Variants in STK31 observed in about 807,000 individuals in gnomAD.
The protein encoded by STK31 is serine/threonine kinase 31.
STK31 carries 89 observed loss-of-function variants against 129.7 expected under a neutral mutation model. The observed-to-expected ratio is 0.69, with a 90% confidence interval of 0.58 to 0.82. The LOEUF is 0.82. Ranked by LOEUF, STK31 falls within the 40% of genes least tolerant of loss-of-function variation. STK31 has a pLI of 0.00. For missense variants in STK31, 1,187 were observed against 1,176.4 expected, an observed-to-expected ratio of 1.01 and a Z score of -0.13; for synonymous variants, 448 against 395.3, an observed-to-expected ratio of 1.13 and a Z score of -1.58.
At chr7:23,749,321 T>TTTTTC (rs950689795) in intron 8 of STK31, among the ~76,000 whole-genome samples, 1 of 151,234 alleles carries the variant, frequency 6.6e-6, no homozygotes, top group Admixed American at 6.6e-5. Flanking sequence ...GCCTTGTAAT[T>TTTTTC]TTTTCTTTTC....
At chr7:23,711,787 ATATG>A (rs1252807443) in intron 1 of STK31, among the ~76,000 whole-genome samples, 1 of 152,194 alleles carries the variant, frequency 6.6e-6, no homozygotes, top group African/African-American at 2.4e-5. Flanking sequence ...TAAAAAAAGA[ATATG>A]TACATTGTTT....
chr7:23,754,270 T>A, intron 9 of STK31, 45 bp from the exon 10 acceptor site: 1 of 1,588,244 alleles, frequency 6.3e-7, no homozygotes, highest in Non-Finnish European at 8.6e-7. Flanking sequence ...TCACACCAGC[T>A]TTCTAATTTA....
At chr7:23,824,173 A>G (rs568989053) in intron 23 of STK31, among the ~76,000 whole-genome samples, 31 of 152,316 alleles carry the variant, frequency 2.0e-4, no homozygotes, top group East Asian at 1.7e-3. Flanking sequence ...CATTGAATCT[A>G]TAAATTACCT....
At chr7:23,769,586 T>C in intron 12 of STK31, 54 bp from the exon 13 acceptor site, 1 of 1,226,554 alleles carries the variant, frequency 8.2e-7, no homozygotes, top group Non-Finnish European at 1.2e-6. Flanking sequence ...TAAGGCACGA[T>C]GAATGCTGAT....
chr7:23,717,570 C>G lies in STK31; in HGVS notation c.240C>G (p.Asp80Glu). Reference sequence around the variant, plus strand: ...CCAGTTCAGTTTTGGGGAATCTTGACCCAAACAAGGTGAGCCATATTCTTG... The same window carrying G: ...CCAGTTCAGTTTTGGGGAATCTTGAGCCAAACAAGGTGAGCCATATTCTTG... The part of the protein sequence containing the change: ...PQASSVLGNL[D>E]PNKIYGGLFS... Residue 80 changes from aspartate to glutamate, a missense_variant, in exon 4 of 24, where the codon GAC (aspartate) becomes GAG (glutamate). Physicochemically the swap from Asp to Glu is conservative, Grantham distance 45. This residue lies in a region of STK31 where 104 missense variants were observed against 98.3 expected (regional missense o/e 1.06). Transcript: ENST00000355870. 6.2e-7 allele frequency: 1 copy of G among 1,610,670 alleles called. No homozygotes were observed. Among genetic ancestry groups the G allele is most frequent in the Non-Finnish European group, 8.5e-7 (1 of 1,177,686 alleles).
At chr7:23,807,500 A>G (rs574327157) in intron 22 of STK31, among the ~76,000 whole-genome samples, 1 of 152,110 alleles carries the variant, frequency 6.6e-6, no homozygotes, top group South Asian at 2.1e-4. Flanking sequence ...TTTTAAGTTT[A>G]TTATGGTATG....
intron 15 of STK31, among the ~76,000 whole-genome samples, chr7:23,779,449 T>C (rs1318536854): frequency 6.6e-6 from 1 of 152,078 alleles, no homozygotes; most frequent in East Asian, 1.9e-4. Context: ...AGCCGCCCCT[T>C]CCCCCAGGTG....
At chr7:23,796,995 C>A (rs1161234917) in intron 22 of STK31, among the ~76,000 whole-genome samples, 1 of 151,450 alleles carries the variant, frequency 6.6e-6, no homozygotes, top group Non-Finnish European at 1.5e-5. Flanking sequence ...TTTTAACCAA[C>A]AAAGATCAAG....
intron 15 of STK31, among the ~76,000 whole-genome samples, chr7:23,779,434 C>A (rs1790769147): frequency 6.6e-6 from 1 of 152,132 alleles, no homozygotes; most frequent in Non-Finnish European, 1.5e-5. Context: ...TGAAGCTATG[C>A]CCACAGCCGC....
At chr7:23,789,057 T>C (rs1257878941) in intron 21 of STK31, among the ~76,000 whole-genome samples, 2 of 152,284 alleles carry the variant, frequency 1.3e-5, no homozygotes, top group African/African-American at 4.8e-5. Context: ...AATGATACAA[T>C]ATGTGGCCTT....
chr7:23,749,374 G>A (rs1411533917), intron 8 of STK31, among the ~76,000 whole-genome samples: 2 of 127,720 alleles, frequency 1.6e-5, no homozygotes, highest in African/African-American at 6.0e-5. Flanking sequence ...ACAGGGTCTT[G>A]CCCTGTTGTC....
chr7:23,790,706 C>T (rs896072398), intron 21 of STK31, 118 bp from the exon 22 acceptor site: 16 of 1,015,420 alleles, frequency 1.6e-5, no homozygotes, highest in Non-Finnish European at 2.2e-5. Flanking sequence ...TATTTGAAAG[C>T]AAGGGAATGA....
At chr7:23,752,882 C>G (rs1788803122) in intron 9 of STK31, 50 bp downstream of exon 9, 1 of 1,227,952 alleles carries the variant, frequency 8.1e-7, no homozygotes, top group African/African-American at 1.5e-5. Context: ...AATTTTTAAT[C>G]AATTGGTGCT....
chr7:23,752,978 C>A, intron 9 of STK31, 146 bp downstream of exon 9: 1 of 610,146 alleles, frequency 1.6e-6, no homozygotes, highest in Non-Finnish European at 2.9e-6. Flanking sequence ...ATAGTTATTT[C>A]TGAGATGAAT....
intron 4 of STK31, among the ~76,000 whole-genome samples, chr7:23,724,522 C>G (rs1410666460): frequency 2.6e-5 from 4 of 152,184 alleles, no homozygotes; most frequent in African/African-American, 7.2e-5. Context: ...CACAAGTGTT[C>G]CCAGCCCTGC....
chr7:23,726,155 A>G (rs1787054237), intron 4 of STK31: 1 of 152,316 alleles, frequency 6.6e-6, no homozygotes, highest in Admixed American at 6.5e-5. Flanking sequence ...TATCCAAATG[A>G]TATCCATCTA....
At chr7:23,790,077 G>T (rs1301157965) in intron 21 of STK31, among the ~76,000 whole-genome samples, 10 of 152,102 alleles carry the variant, frequency 6.6e-5, no homozygotes, top group Non-Finnish European at 1.2e-4. Context: ...TTTCTAACAA[G>T]CTACCAGTTA....
intron 15 of STK31, among the ~76,000 whole-genome samples, chr7:23,774,698 T>C (rs995970783): frequency 6.6e-6 from 1 of 152,242 alleles, no homozygotes; most frequent in Non-Finnish European, 1.5e-5. Flanking sequence ...GATGGGTAGA[T>C]TGCAAAAATT....
intron 15 of STK31, among the ~76,000 whole-genome samples, chr7:23,775,762 A>G (rs571407990): frequency 4.1e-4 from 63 of 152,336 alleles, no homozygotes; most frequent in African/African-American, 1.3e-3. Flanking sequence ...ATATACAATC[A>G]TGTCATCTGC....
Sources: gnomAD v4.1 joint callset for allele counts (sites outside exome capture counted in the v4.1 genomes callset) on GRCh38, gnomAD v4.1.1 for gene constraint, gnomAD v4.1.1 regional missense constraint, MANE v1.5 for transcripts, NCBI Gene and HGNC (gene_info 2026-07-23, HGNC 2026-07-21) for gene names.